The following LRRC7 variants were observed in gnomAD, a reference collection of about 807,000 sequenced individuals.
LRRC7 encodes leucine-rich repeat-containing protein 7.
In LRRC7, 23 loss-of-function variants were observed where a neutral mutation model predicts 175.7. The ratio of observed to expected loss-of-function variants is 0.13; its 90% CI spans 0.09 to 0.19. The LOEUF is 0.19. Among genes scored for constraint, LRRC7 ranks in the 10% least tolerant of loss-of-function variants. The pLI is 1.00. For synonymous variants in LRRC7, 685 were observed against 680.9 expected, an observed-to-expected ratio of 1.01 and a Z score of -0.09; for missense variants, 1,354 against 1,904.7, an observed-to-expected ratio of 0.71 and a Z score of 5.38.
chr1:69,631,034 T>A (rs992130996), intron 1 of LRRC7, among the ~76,000 whole-genome samples: 3 of 152,106 alleles, frequency 2.0e-5, no homozygotes, highest in South Asian at 2.1e-4. Context: ...CATTTTTTTT[T>A]ATTGAACCTT....
intron 2 of LRRC7, among the ~76,000 whole-genome samples, chr1:69,678,737 G>C (rs536698857): frequency 2.0e-5 from 3 of 152,086 alleles, no homozygotes; most frequent in Non-Finnish European, 4.4e-5. Context: ...ATGGGAAAAG[G>C]CTGTACAGTC....
chr1:69,585,012 A>G (rs558057484), intron 1 of LRRC7, among the ~76,000 whole-genome samples: 22 of 152,328 alleles, frequency 1.4e-4, no homozygotes, highest in Admixed American at 1.3e-4. Flanking sequence ...CACTGTACAT[A>G]TAGCAAAATG....
At chr1:69,730,592 T>A (rs1374010738) in intron 2 of LRRC7, among the ~76,000 whole-genome samples, 2 of 152,166 alleles carry the variant, frequency 1.3e-5, no homozygotes, top group African/African-American at 4.8e-5. Context: ...GTCAAAGCCA[T>A]TCAAGTTTCT....
At chr1:70,107,012 A>T (rs1311630016) in intron 25 of LRRC7, among the ~76,000 whole-genome samples, 1 of 152,206 alleles carries the variant, frequency 6.6e-6, no homozygotes, top group Non-Finnish European at 1.5e-5. Flanking sequence ...TTGTGAGCTC[A>T]TTAAAGTCAG....
chr1:69,626,406 C>T (rs1352300959), intron 1 of LRRC7, among the ~76,000 whole-genome samples: 1 of 146,148 alleles, frequency 6.8e-6, no homozygotes, highest in African/African-American at 2.5e-5. Context: ...AAAAAAAAAT[C>T]CAGATTTTTA....
intron 1 of LRRC7, among the ~76,000 whole-genome samples, chr1:69,660,014 T>C (rs1282017010): frequency 1.3e-5 from 2 of 151,982 alleles, no homozygotes; most frequent in Non-Finnish European, 2.9e-5. Context: ...GATTTAAAAC[T>C]GAATTTAAAA....
intron 1 of LRRC7, among the ~76,000 whole-genome samples, chr1:69,638,741 T>C (rs977314807): frequency 6.6e-6 from 1 of 151,820 alleles, no homozygotes; most frequent in Admixed American, 6.6e-5. Context: ...GAAAGTACAA[T>C]GTTCTCCACC....
intron 1 of LRRC7, among the ~76,000 whole-genome samples, chr1:69,637,104 C>A (rs1287238150): frequency 6.6e-6 from 1 of 151,544 alleles, no homozygotes; most frequent in Non-Finnish European, 1.5e-5. Flanking sequence ...CTCTTCCCCT[C>A]CCCCGCTCCC....
chr1:69,741,985 A>G (rs17397693), intron 2 of LRRC7, among the ~76,000 whole-genome samples: 43,044 of 151,894 alleles, frequency 0.28, 7,477 homozygotes, highest in Admixed American at 0.39. Context: ...AGAAAGTGGC[A>G]CTGAGATTTA....
intron 9 of LRRC7, among the ~76,000 whole-genome samples, chr1:69,982,165 G>A (rs1440640396): frequency 1.3e-5 from 2 of 152,216 alleles, no homozygotes; most frequent in East Asian, 3.8e-4. Context: ...AAGTGGAAAG[G>A]CAGGGATGAA....
chr1:69,832,171 C>A (rs1390960931), intron 5 of LRRC7, among the ~76,000 whole-genome samples: 4 of 152,072 alleles, frequency 2.6e-5, no homozygotes, highest in Non-Finnish European at 5.9e-5. Flanking sequence ...GGCCATTGGA[C>A]TTTAACTTTC....
intron 3 of LRRC7, among the ~76,000 whole-genome samples, chr1:69,781,857 AAGAG>A (rs1182700775): frequency 9.2e-5 from 9 of 97,340 alleles, no homozygotes; most frequent in African/African-American, 4.2e-4. Flanking sequence ...GAGAGAAAGA[AAGAG>A]AAGGAAGGAA....
chr1:69,887,577 C>A (rs1645677580), intron 7 of LRRC7, among the ~76,000 whole-genome samples: 1 of 152,114 alleles, frequency 6.6e-6, no homozygotes, highest in Non-Finnish European at 1.5e-5. Context: ...CCTCCCATAG[C>A]TCAGAGTAAT....
intron 7 of LRRC7, among the ~76,000 whole-genome samples, chr1:69,926,103 G>A (rs1342301523): frequency 1.3e-5 from 2 of 151,608 alleles, no homozygotes; most frequent in Non-Finnish European, 2.9e-5. Context: ...CCATGTAGTT[G>A]AGCGGTTTTG....
chr1:69,672,794 T>G (rs775308218), intron 1 of LRRC7, among the ~76,000 whole-genome samples: 1 of 152,182 alleles, frequency 6.6e-6, no homozygotes, highest in Non-Finnish European at 1.5e-5. Context: ...ACATATTCCC[T>G]GATCCAACTG....
intron 7 of LRRC7, among the ~76,000 whole-genome samples, chr1:69,869,418 A>C (rs762646452): frequency 6.6e-6 from 1 of 152,090 alleles, no homozygotes; most frequent in East Asian, 1.9e-4. Context: ...GTTAAAAAAA[A>C]ATCCAAAGTA....
intron 8 of LRRC7, among the ~76,000 whole-genome samples, chr1:69,975,291 AC>A (rs1652694689): frequency 6.6e-6 from 1 of 152,126 alleles, no homozygotes; most frequent in Admixed American, 6.5e-5. Flanking sequence ...CAGCATCCTC[AC>A]CCACCTACAC....
At chr1:69,997,870 G>C (rs572853728) in intron 11 of LRRC7, among the ~76,000 whole-genome samples, 1 of 152,096 alleles carries the variant, frequency 6.6e-6, no homozygotes, top group Non-Finnish European at 1.5e-5. Context: ...CTCTTTTGTG[G>C]TTGTATCTCT....
chr1:69,639,342 T>C (rs1399224115), intron 1 of LRRC7, among the ~76,000 whole-genome samples: 2 of 151,822 alleles, frequency 1.3e-5, no homozygotes. Context: ...AAACTTTTAG[T>C]ATATAGATCA....
Sources: allele counts gnomAD v4.1 joint callset (sites outside exome capture counted in the v4.1 genomes callset), GRCh38; gene constraint gnomAD v4.1.1; transcripts MANE v1.5; gene names NCBI Gene and HGNC (gene_info 2026-07-23, HGNC 2026-07-21).